The following UGGT2 variants were observed in gnomAD, a reference collection of about 807,000 sequenced individuals.
UGGT2 encodes UDP-glucose:glycoprotein glucosyltransferase 2.
A neutral mutation model predicts 192.1 loss-of-function variants in UGGT2; 180 were observed. The ratio of observed to expected loss-of-function variants is 0.94; its 90% CI spans 0.83 to 1.06. The LOEUF is 1.06. Ranked by LOEUF, UGGT2 falls within the 50% of genes least tolerant of loss-of-function variation. The pLI, the probability that UGGT2 is intolerant of heterozygous loss-of-function variation, is 0.00. For missense variants in UGGT2, 1,849 were observed against 1,795.7 expected, an observed-to-expected ratio of 1.03 and a Z score of -0.54; for synonymous variants, 580 against 591.0, an observed-to-expected ratio of 0.98 and a Z score of 0.27.
chr13:95,948,317 T>A (rs1207097788), intron 13 of UGGT2, among the ~76,000 whole-genome samples: 1 of 152,034 alleles, frequency 6.6e-6, no homozygotes, highest in Non-Finnish European at 1.5e-5. Context: ...TAATTATACA[T>A]GGAATTTAAC....
At chr13:96,016,570 T>C (rs548394032) in intron 4 of UGGT2, among the ~76,000 whole-genome samples, 1 of 152,312 alleles carries the variant, frequency 6.6e-6, no homozygotes, top group South Asian at 2.1e-4. Context: ...TGGTCTCATG[T>C]CTGCAGATGC....
intron 4 of UGGT2, among the ~76,000 whole-genome samples, chr13:96,015,605 C>T (rs960346363): frequency 6.6e-5 from 10 of 151,980 alleles, no homozygotes; most frequent in Non-Finnish European, 1.3e-4. Flanking sequence ...TTAAAAGTAG[C>T]AATTTACTGA....
intron 20 of UGGT2, among the ~76,000 whole-genome samples, chr13:95,903,706 T>A (rs2048181747): frequency 6.6e-6 from 1 of 152,182 alleles, no homozygotes; most frequent in South Asian, 2.1e-4. Context: ...CAGTCTTTTA[T>A]CTATTCTACT....
intron 3 of UGGT2, 144 bp downstream of exon 3, chr13:96,023,485 C>T (rs1360981935): frequency 2.6e-6 from 2 of 764,490 alleles, no homozygotes. Flanking sequence ...TAAATGACAA[C>T]AATAATAATA....
intron 5 of UGGT2, among the ~76,000 whole-genome samples, chr13:96,009,124 A>G (rs994336651): frequency 5.9e-5 from 9 of 152,224 alleles, no homozygotes; most frequent in Non-Finnish European, 1.2e-4. Flanking sequence ...GGTGCTGGGA[A>G]AACTGGCTAG....
intron 2 of UGGT2, among the ~76,000 whole-genome samples, chr13:96,031,260 A>C (rs1452615279): frequency 6.6e-6 from 1 of 152,220 alleles, no homozygotes; most frequent in Non-Finnish European, 1.5e-5. Flanking sequence ...TACTATTACT[A>C]GATGCAAAAT....
In UGGT2 at chr13:95,970,167, T is replaced by A. The variant is rs1346620885; in HGVS notation, c.1280A>T (p.Asn427Ile). 1 of 1,611,684 alleles carries A rather than the reference T, an allele frequency of 6.2e-7. No homozygotes were observed. The highest frequency in any genetic ancestry group is 1.1e-5 in the South Asian group (1 of 90,946). The change falls in exon 12 of 39, where the codon AAT (asparagine) becomes ATT (isoleucine). Residue 427 changes from asparagine to isoleucine, a missense_variant. Asn to Ile is a moderately radical substitution (Grantham distance 149). Transcript: ENST00000376747. The stretch of plus-strand genomic sequence containing the variant: ...ATAAGTATATTCCCAAATGTGTGAA[T>A]TTAATTTTAAAAATTTGCTCATATC... ...GEDMSKFLKL[N>I]SHIWEYTYVL...
At chr13:95,876,452 A>G (rs1891687437) in intron 29 of UGGT2, among the ~76,000 whole-genome samples, 2 of 152,138 alleles carry the variant, frequency 1.3e-5, no homozygotes, top group East Asian at 1.9e-4. Flanking sequence ...TCTACCAGGC[A>G]GATTTGGAGC....
chr13:96,053,183 G>A lies in UGGT2; in HGVS notation c.130C>T (p.Pro44Ser). 2 of 1,520,874 alleles carry A rather than the reference G, an allele frequency of 1.3e-6. No homozygotes were observed. Among genetic ancestry groups the A allele is most frequent in the Middle Eastern group, 2.3e-4 (1 of 4,396 alleles). 94.2% of individuals were successfully genotyped at this position (1,520,874 alleles called of 1,614,324 possible). ...GCCTCCAGCAGCAGCGGGGTCTCGG[G>A]CCACTTCGCGGCCAAGTGGGCAGTC... The part of the protein sequence containing the change: ...SVTAHLAAKW[P>S]ETPLLLEASE... The change falls in exon 1 of 39, where the codon CCC (proline) becomes TCC (serine). Residue 44 changes from proline to serine, a missense_variant. Pro to Ser is a moderately conservative substitution (Grantham distance 74). Coordinates refer to ENST00000376747, the MANE Select transcript of UGGT2 (RefSeq NM_020121.4).
chr13:95,933,964 G>A (rs1234492176), intron 17 of UGGT2, among the ~76,000 whole-genome samples: 4 of 152,154 alleles, frequency 2.6e-5, no homozygotes, highest in African/African-American at 4.8e-5. Flanking sequence ...GATTACAGGC[G>A]TGAGCCACCG....
At chr13:95,912,843 C>A (rs572161567) in intron 20 of UGGT2, among the ~76,000 whole-genome samples, 1 of 152,160 alleles carries the variant, frequency 6.6e-6, no homozygotes. Flanking sequence ...AACTATACTA[C>A]AAGGCTACAG....
rs528316241 is a variant in UGGT2, at chr13:96,049,904, C to T, written c.158+3251G>A. Among the ~76,000 whole-genome samples the T allele has an allele frequency of 1.9e-3, 290 of 152,236 alleles. 2 individuals are homozygous for T. The highest frequency in any genetic ancestry group is 6.6e-3 in the African/African-American group (276 of 41,540). ...AGTATCGTGAAAACGGCCATACTGCCCAAGGTAATTTATAGATTCAATGCC... is the reference window on the plus strand; with the variant it reads ...AGTATCGTGAAAACGGCCATACTGCTCAAGGTAATTTATAGATTCAATGCC... On this transcript the variant is annotated intron_variant, in intron 1 of 38. Transcript: ENST00000376747.
chr13:95,860,368 T>C (rs1156500483), intron 32 of UGGT2, among the ~76,000 whole-genome samples: 1 of 148,452 alleles, frequency 6.7e-6, no homozygotes, highest in Non-Finnish European at 1.5e-5. Context: ...AGTATATCTA[T>C]ATATATATAT....
intron 11 of UGGT2, among the ~76,000 whole-genome samples, chr13:95,970,966 CCAGT>C (rs1228802757): frequency 3.3e-5 from 5 of 152,126 alleles, no homozygotes; most frequent in East Asian, 1.9e-4. Flanking sequence ...GCCTTTCTCC[CCAGT>C]CAAAGTCACA....
At chr13:95,934,365 A>G (rs945072648) in intron 17 of UGGT2, among the ~76,000 whole-genome samples, 1 of 152,200 alleles carries the variant, frequency 6.6e-6, no homozygotes, top group Non-Finnish European at 1.5e-5. Flanking sequence ...TGTTCTGTAG[A>G]TGTCTATTAG....
intron 25 of UGGT2, among the ~76,000 whole-genome samples, chr13:95,889,584 A>G (rs962904992): frequency 9.2e-5 from 14 of 152,220 alleles, no homozygotes; most frequent in Admixed American, 1.3e-4. Context: ...TTTCGATATC[A>G]GTAGCAAAAC....
intron 25 of UGGT2, among the ~76,000 whole-genome samples, chr13:95,888,505 G>C (rs1400402870): frequency 6.6e-6 from 1 of 152,136 alleles, no homozygotes; most frequent in Non-Finnish European, 1.5e-5. Flanking sequence ...AAAGCTGTTA[G>C]ATAACAAATG....
intron 2 of UGGT2, among the ~76,000 whole-genome samples, chr13:96,026,951 G>T (rs1266233097): frequency 1.3e-5 from 2 of 152,062 alleles, no homozygotes; most frequent in East Asian, 3.9e-4. Context: ...GATTACAGGC[G>T]TGAGCCACCG....
chr13:95,933,225 G>A (rs957949861), intron 17 of UGGT2, among the ~76,000 whole-genome samples: 1 of 152,154 alleles, frequency 6.6e-6, no homozygotes, highest in Non-Finnish European at 1.5e-5. Flanking sequence ...GCTTTTACTG[G>A]TTGGTAGGTT....
Sources: allele counts gnomAD v4.1 joint callset (sites outside exome capture counted in the v4.1 genomes callset), GRCh38; gene constraint gnomAD v4.1.1; transcripts MANE v1.5; gene names NCBI Gene and HGNC (gene_info 2026-07-23, HGNC 2026-07-21).